The following FOXP4 variants were observed in gnomAD, a reference collection of about 807,000 sequenced individuals.
FOXP4 encodes forkhead box protein P4.
A neutral mutation model predicts 82.6 loss-of-function variants in FOXP4; 25 were observed. That is an observed-to-expected ratio of 0.30 (90% CI 0.22 to 0.42). The LOEUF is 0.42. Among genes scored for constraint, FOXP4 ranks in the 10% least tolerant of loss-of-function variants. The probability of loss-of-function intolerance (pLI) is 1.00; values close to 1 mark genes in which losing one functional copy is unlikely to be tolerated. For synonymous variants in FOXP4, 415 were observed against 388.2 expected, an observed-to-expected ratio of 1.07 and a Z score of -0.81; for missense variants, 785 against 900.9, an observed-to-expected ratio of 0.87 and a Z score of 1.65.
At chr6:41,571,229 C>G (rs539353741) in intron 2 of FOXP4, among the ~76,000 whole-genome samples, 2 of 152,352 alleles carry the variant, frequency 1.3e-5, no homozygotes, top group South Asian at 2.1e-4. Flanking sequence ...GACTCTCCCC[C>G]TCATGACACC....
At chr6:41,555,990 A>T (rs1400807338) in intron 1 of FOXP4, among the ~76,000 whole-genome samples, 1 of 151,536 alleles carries the variant, frequency 6.6e-6, no homozygotes, top group Admixed American at 6.6e-5. Context: ...GTGTAGTAGG[A>T]AGGGGTATTG....
At chr6:41,553,375 C>T (rs1342638992) in intron 1 of FOXP4, among the ~76,000 whole-genome samples, 5 of 152,176 alleles carry the variant, frequency 3.3e-5, no homozygotes, top group Middle Eastern at 3.2e-3. Context: ...CCTTGTGTGC[C>T]GCCATCCCCC....
At chr6:41,560,992 G>A (rs2127336583) in intron 1 of FOXP4, among the ~76,000 whole-genome samples, 1 of 152,322 alleles carries the variant, frequency 6.6e-6, no homozygotes, top group South Asian at 2.1e-4. Flanking sequence ...CGGCCAGGGA[G>A]GGGATGGGGC....
chr6:41,585,973 G>T lies in FOXP4; in HGVS notation c.510+456G>T, dbSNP rs114993878. Among the ~76,000 whole-genome samples the T allele has an allele frequency of 5.1e-3, 765 of 150,556 alleles. 7 individuals carry two copies. Among genetic ancestry groups the T allele is most frequent in the Middle Eastern group, 0.021 (6 of 292 alleles). On this transcript the variant is annotated intron_variant, in intron 5 of 16. Transcript: ENST00000307972. Reference sequence around the variant, plus strand: ...CTTCTTCCCCTTCTTCTTATGACTTGCCCAGCCACCCCTCGGTCTCCTCTC... The same window carrying T: ...CTTCTTCCCCTTCTTCTTATGACTTTCCCAGCCACCCCTCGGTCTCCTCTC...
chr6:41,598,576 C>A, intron 16 of FOXP4: 1 of 653,554 alleles, frequency 1.5e-6, no homozygotes, highest in Non-Finnish European at 2.6e-6. Context: ...CTCCCCTCTT[C>A]TCTCCTCCCC....
chr6:41,565,793 G>A lies in FOXP4; in HGVS notation c.33G>A (p.Arg11=), dbSNP rs1444536834. 4 of 1,612,148 alleles carry A rather than the reference G, an allele frequency of 2.5e-6. No individual in the cohort carries two copies. The African/African-American group carries it at 5.3e-5, about 22-fold the overall frequency. Residue 11 remains arginine, a synonymous_variant, in exon 2 of 17, where the codon AGG becomes AGA. Transcript: ENST00000307972. Reference sequence around the variant, plus strand: ...TGGAATCTGCCTCGGAGACAATCAGGTCGGCTCCATCTGGTCAGAATGGCG... The same window carrying A: ...TGGAATCTGCCTCGGAGACAATCAGATCGGCTCCATCTGGTCAGAATGGCG... The part of the protein sequence containing the change: MMVESASETI[R]SAPSGQNGVG...
In FOXP4 at chr6:41,576,783, G is replaced by A. The variant is rs574714272; in HGVS notation, c.205-1203G>A. On this transcript the variant is annotated intron_variant, in intron 2 of 16. Transcript: ENST00000307972. ...AAGGAGACTGAAGTGCAGAGAACTG[G>A]AATAACTTGCCCAAGGTCGCAGCTG... is the stretch of plus-strand genomic sequence containing the variant. Among the ~76,000 whole-genome samples the A allele has an allele frequency of 9.2e-5, 14 of 152,276 alleles. No homozygotes were observed. The South Asian group carries it at 2.9e-3, about 32-fold the overall frequency.
intron 3 of FOXP4, among the ~76,000 whole-genome samples, chr6:41,582,385 C>T (rs1390768108): frequency 1.3e-5 from 2 of 152,246 alleles, no homozygotes; most frequent in African/African-American, 4.8e-5. Flanking sequence ...TCAGCAACGT[C>T]TGCTAATGAT....
chr6:41,586,547 G>A (rs969072181), intron 5 of FOXP4, among the ~76,000 whole-genome samples: 2 of 152,350 alleles, frequency 1.3e-5, no homozygotes, highest in East Asian at 3.9e-4. Context: ...AAAAGCAAGA[G>A]AGGAAAAGAG....
At chr6:41,575,242 A>G (rs979606643) in intron 2 of FOXP4, among the ~76,000 whole-genome samples, 2 of 152,176 alleles carry the variant, frequency 1.3e-5, no homozygotes, top group Non-Finnish European at 2.9e-5. Flanking sequence ...TGCTAGGATT[A>G]CAGGCATGAG....
chr6:41,584,744 A>G (rs1420395494), intron 3 of FOXP4, 25 bp from the exon 4 acceptor site: 1 of 1,562,256 alleles, frequency 6.4e-7, no homozygotes, highest in Non-Finnish European at 8.7e-7. Flanking sequence ...TCCAGGGGAC[A>G]GGGCTAACGG....
intron 7 of FOXP4, 76 bp from the exon 8 acceptor site, chr6:41,587,717 G>A (rs533248658): frequency 1.9e-6 from 2 of 1,047,510 alleles, no homozygotes; most frequent in South Asian, 2.9e-5. Context: ...CAGCAGGGGA[G>A]CTGGTGCTCA....
chr6:41,554,141 C>G (rs1764151740), intron 1 of FOXP4, among the ~76,000 whole-genome samples: 1 of 152,180 alleles, frequency 6.6e-6, no homozygotes, highest in Non-Finnish European at 1.5e-5. Flanking sequence ...AATTATCACT[C>G]TCATTTGATA....
intron 14 of FOXP4, 137 bp from the exon 15 acceptor site, chr6:41,597,039 G>A (rs1338151454): frequency 3.0e-5 from 26 of 856,824 alleles, no homozygotes; most frequent in Middle Eastern, 5.1e-4. Flanking sequence ...CCAAGACAGC[G>A]GCTGATCCGC....
intron 2 of FOXP4, chr6:41,570,116 ACG>A: frequency 2.9e-6 from 1 of 347,456 alleles, no homozygotes; most frequent in Non-Finnish European, 5.7e-6. Context: ...ACACACACAC[ACG>A]CAGTCAACAG....
chr6:41,595,914 T>C (rs2127406475), intron 14 of FOXP4, among the ~76,000 whole-genome samples: 1 of 152,206 alleles, frequency 6.6e-6, no homozygotes, highest in East Asian at 1.9e-4. Flanking sequence ...TATTATTTTT[T>C]TGAGACAGAG....
At chr6:41,567,968 TAAA>T (rs1764977168) in intron 2 of FOXP4, among the ~76,000 whole-genome samples, 2 of 152,330 alleles carry the variant, frequency 1.3e-5, no homozygotes, top group South Asian at 4.1e-4. Context: ...ATTTGAGACT[TAAA>T]AAAGGTTTTG....
rs1025258228 is a variant in FOXP4, at chr6:41,558,325, G to C, written c.-16-7420G>C. Among the ~76,000 whole-genome samples the C allele has an allele frequency of 6.6e-6, 1 of 152,198 alleles. No homozygotes were observed. The highest frequency in any genetic ancestry group is 1.5e-5 in the Non-Finnish European group (1 of 68,036). ...GCTATAGCCACATTTTAACCCATGG[G>C]TCTTGACTCACTTTCTTCAAGTGCT... On this transcript the variant is annotated intron_variant, in intron 1 of 16. Coordinates refer to ENST00000307972, the MANE Select transcript of FOXP4 (RefSeq NM_001012426.2). This position sits in a 1 kb window ranked among gnomAD's most constrained non-coding sequence, Gnocchi z 4.0.
Position 41,574,503 on chromosome 6 carries a change from G to A in FOXP4, c.205-3483G>A, listed in dbSNP as rs190287135. Among the ~76,000 whole-genome samples, 73 of 152,332 alleles carry A rather than the reference G, an allele frequency of 4.8e-4. 1 individual carries two copies. Among genetic ancestry groups the A allele is most frequent in the Admixed American group, 3.3e-3 (51 of 15,300 alleles). Reference sequence around the variant, plus strand: ...TAGTGTCAGCCTGTGCCAGCCTCCCGTATTCAGCCTAGACTAAAATGAGTT... The same window carrying A: ...TAGTGTCAGCCTGTGCCAGCCTCCCATATTCAGCCTAGACTAAAATGAGTT... On this transcript the variant is annotated intron_variant, in intron 2 of 16. Transcript: ENST00000307972.
Sources: allele counts gnomAD v4.1 joint callset (sites outside exome capture counted in the v4.1 genomes callset), GRCh38; gene constraint gnomAD v4.1.1; non-coding constraint Gnocchi (gnomAD v3.1); transcripts MANE v1.5; gene names NCBI Gene and HGNC (gene_info 2026-07-23, HGNC 2026-07-21).